The following ADAMTS9 variants were observed in gnomAD, a reference collection of about 807,000 sequenced individuals.
ADAMTS9 encodes ADAM metallopeptidase with thrombospondin type 1 motif 9.
In ADAMTS9, 107 loss-of-function variants were observed where a neutral mutation model predicts 257.1. The ratio of observed to expected loss-of-function variants is 0.42; its 90% confidence interval spans 0.36 to 0.49. ADAMTS9 has a LOEUF of 0.49. ADAMTS9 is among the 20% of genes least tolerant of loss of function. The pLI is 0.03. For synonymous variants in ADAMTS9, 982 were observed against 880.9 expected (o/e 1.11, Z -2.03); for missense variants, 2,353 against 2,469.1 (o/e 0.95, Z 1.00).
chr3:64,561,933 C>T (rs1027461971), intron 29 of ADAMTS9, among the ~76,000 whole-genome samples, 182 bp from the exon 30 acceptor site: 1 of 152,150 alleles, frequency 6.6e-6, no homozygotes, highest in African/African-American at 2.4e-5. Context: ...TGGAAACTCA[C>T]TGCTTATCTT....
At chr3:64,545,163 C>G (rs898789408) in intron 32 of ADAMTS9, among the ~76,000 whole-genome samples, 2 of 152,188 alleles carry the variant, frequency 1.3e-5, no homozygotes, top group African/African-American at 4.8e-5. Context: ...GTTGGTGGGA[C>G]TGTAAACTAG....
At chr3:64,605,741 AG>A (rs1430176739) in intron 23 of ADAMTS9, among the ~76,000 whole-genome samples, 4 of 152,204 alleles carry the variant, frequency 2.6e-5, no homozygotes, top group African/African-American at 4.8e-5. Flanking sequence ...TTGAGAAAAA[AG>A]ATGTGTGTGT....
intron 21 of ADAMTS9, chr3:64,614,800 G>C (rs1237696331): frequency 6.6e-6 from 1 of 152,084 alleles, no homozygotes; most frequent in East Asian, 1.9e-4. Flanking sequence ...GGATGAGAAA[G>C]GCATAAATCT....
intron 21 of ADAMTS9, among the ~76,000 whole-genome samples, chr3:64,614,469 C>T (rs772347130): frequency 5.3e-5 from 8 of 152,174 alleles, no homozygotes; most frequent in Non-Finnish European, 1.0e-4. Context: ...GTTAATACTG[C>T]ACTTATAAGG....
At chr3:64,519,354 C>T (rs1382483118) in intron 39 of ADAMTS9, among the ~76,000 whole-genome samples, 1 of 152,076 alleles carries the variant, frequency 6.6e-6, no homozygotes, top group Admixed American at 6.6e-5. Context: ...CAATAAACAG[C>T]CTTTTAAATA....
chr3:64,608,823 A>AAC (rs367799590), intron 22 of ADAMTS9, among the ~76,000 whole-genome samples: 9 of 151,674 alleles, frequency 5.9e-5, no homozygotes, highest in Middle Eastern at 3.4e-3. Flanking sequence ...AGCCGAAGAC[A>AAC]ACACACACAC....
Position 64,561,806 on chromosome 3 carries a change from G to A in ADAMTS9, c.4525-55C>T. On this transcript the variant is annotated intron_variant, in intron 29 of 39. Transcript: ENST00000498707. Reference sequence around the variant, plus strand: ...TTCGGCTCATTTATTTTTTGGGGGGGCGGGGGGTGTCGAGGGTCACAGAGG... The same window carrying A: ...TTCGGCTCATTTATTTTTTGGGGGGACGGGGGGTGTCGAGGGTCACAGAGG... 2.0e-5 allele frequency: 19 copies of A among 940,750 alleles called. 1 individual carries two copies. Among genetic ancestry groups the A allele is most frequent in the Non-Finnish European group, 3.1e-5 (19 of 612,328 alleles). 58.3% of individuals were successfully genotyped at this position (940,750 alleles called of 1,614,324 possible).
intron 30 of ADAMTS9, 30 bp from the exon 31 acceptor site, chr3:64,551,092 A>C: frequency 6.2e-7 from 1 of 1,609,808 alleles, no homozygotes; most frequent in Non-Finnish European, 8.5e-7. Flanking sequence ...GAGAAGAATA[A>C]ACCGTAGTTC....
intron 22 of ADAMTS9, among the ~76,000 whole-genome samples, chr3:64,609,957 A>T (rs1244411679): frequency 6.6e-6 from 1 of 152,218 alleles, no homozygotes; most frequent in Non-Finnish European, 1.5e-5. Context: ...TCCAGAAATA[A>T]ACCCATATAT....
chr3:64,582,214 A>C (rs1357391046), intron 28 of ADAMTS9, among the ~76,000 whole-genome samples: 1 of 152,170 alleles, frequency 6.6e-6, no homozygotes, highest in African/African-American at 2.4e-5. Flanking sequence ...AGGTGCGAGG[A>C]GGTAGAACTG....
chr3:64,542,513 C>T (rs1216464376), intron 32 of ADAMTS9, among the ~76,000 whole-genome samples: 3 of 149,610 alleles, frequency 2.0e-5, no homozygotes, highest in Non-Finnish European at 2.9e-5. Flanking sequence ...CGGCAATCTC[C>T]GCCTCCCAGG....
At chr3:64,638,701 G>A (rs7623286) in intron 12 of ADAMTS9, among the ~76,000 whole-genome samples, 80,993 of 152,004 alleles carry the variant, frequency 0.53, 23,144 homozygotes, top group African/African-American at 0.75. Context: ...ATTAGAAAGC[G>A]TATGGTCTCT....
In ADAMTS9 at chr3:64,561,583, G is replaced by C; in HGVS notation, c.4693C>G (p.Gln1565Glu). ...CCCTTTGTGGCTCTACTTACTTCTT[G>C]CCATTCCTCTGCCCTCCAAGTGTAG... ...PLYTWRAEEWQECTKTCGEGS... is the reference protein window; with the variant it reads ...PLYTWRAEEWEECTKTCGEGS... Residue 1565 changes from glutamine (Q) to glutamate (E), a missense_variant, in exon 30 of 40, where the codon CAA (glutamine) becomes GAA (glutamate). By Grantham distance (29) the Gln-to-Glu change is conservative. Coordinates refer to ENST00000498707, the MANE Select transcript of ADAMTS9 (RefSeq NM_182920.2). 1 of 1,612,926 alleles carries C rather than the reference G, an allele frequency of 6.2e-7. No homozygotes were observed. Among genetic ancestry groups the C allele is most frequent in the South Asian group, 1.1e-5 (1 of 90,876 alleles).
chr3:64,653,923 T>A (rs1273345933), intron 8 of ADAMTS9, among the ~76,000 whole-genome samples: 1 of 152,088 alleles, frequency 6.6e-6, no homozygotes, highest in Non-Finnish European at 1.5e-5. Context: ...ATAACTAGAA[T>A]CGGGAATGGT....
intron 22 of ADAMTS9, among the ~76,000 whole-genome samples, chr3:64,609,225 C>T (rs2084621966): frequency 6.6e-6 from 1 of 152,072 alleles, no homozygotes; most frequent in African/African-American, 2.4e-5. Flanking sequence ...GACAAGGATG[C>T]CCGCTTTCAC....
At chr3:64,669,293 C>G (rs912920427) in intron 3 of ADAMTS9, among the ~76,000 whole-genome samples, 1 of 152,170 alleles carries the variant, frequency 6.6e-6, no homozygotes, top group Admixed American at 6.5e-5. Flanking sequence ...CTTAATTATT[C>G]CCACACTTAA....
Position 64,606,753 on chromosome 3 carries a change from T to A in ADAMTS9, c.3474+207A>T, listed in dbSNP as rs558999903. Among the ~76,000 whole-genome samples the A allele has an allele frequency of 9.9e-4, 151 of 152,314 alleles. 4 individuals carry two copies. Among genetic ancestry groups the A allele is most frequent in the Middle Eastern group, 3.4e-3 (1 of 294 alleles). On this transcript the variant is annotated intron_variant, in intron 23 of 39. Transcript: ENST00000498707. ...AATAGGAATCAAAAGCAAATCTACA[T>A]ATACTTCAAATAACCAGAGAAGAAC...
chr3:64,633,400 C>G, intron 14 of ADAMTS9, 72 bp downstream of exon 14: 1 of 1,586,594 alleles, frequency 6.3e-7, no homozygotes, highest in South Asian at 1.2e-5. Flanking sequence ...AGTTGCTATT[C>G]TATCTAGGAA....
intron 19 of ADAMTS9, among the ~76,000 whole-genome samples, chr3:64,620,185 G>A (rs1044004940): frequency 5.3e-5 from 8 of 152,026 alleles, no homozygotes; most frequent in African/African-American, 1.9e-4. Flanking sequence ...TACCATAACT[G>A]CTCCTCTCAC....
Sources: allele counts gnomAD v4.1 joint callset (sites outside exome capture counted in the v4.1 genomes callset), GRCh38; gene constraint gnomAD v4.1.1; transcripts MANE v1.5; gene names NCBI Gene and HGNC (gene_info 2026-07-23, HGNC 2026-07-21).